The following LRBA variants were observed in gnomAD, a reference collection of about 807,000 sequenced individuals.
LRBA encodes lipopolysaccharide-responsive and beige-like anchor protein.
LRBA carries 176 observed loss-of-function variants against 330.0 expected under a neutral mutation model. That is an observed-to-expected ratio of 0.53 (90% CI 0.47 to 0.60). LRBA has a LOEUF of 0.60. Ranked by LOEUF, LRBA falls within the 20% of genes least tolerant of loss-of-function variation. LRBA has a pLI of 0.00. For synonymous variants in LRBA, 1,230 were observed against 1,193.0 expected, an observed-to-expected ratio of 1.03 and a Z score of -0.64; for missense variants, 3,259 against 3,444.8, an observed-to-expected ratio of 0.95 and a Z score of 1.35.
At chr4:150,494,665 T>C (rs1581483300) in intron 40 of LRBA, among the ~76,000 whole-genome samples, 2 of 152,310 alleles carry the variant, frequency 1.3e-5, no homozygotes, top group South Asian at 4.1e-4. Flanking sequence ...GCAAGTGTCA[T>C]AGTCCTTTAA....
At position 150,717,200 on chromosome 4, in the gene LRBA, A is replaced by G. The variant is rs1444147520; in HGVS notation, c.5754+18058T>C. The stretch of plus-strand genomic sequence containing the variant: ...GGCTGAAGATAATAACATTTACCTC[A>G]GAGGACTGTTATGATAATTTATTTT... On this transcript the variant is annotated intron_variant, in intron 36 of 56. Transcript: ENST00000651943. Among the ~76,000 whole-genome samples the G allele has an allele frequency of 9.2e-5, 14 of 152,166 alleles. 1 individual carries two copies. The highest frequency in any genetic ancestry group is 9.2e-4 in the Admixed American group (14 of 15,262).
At chr4:150,571,064 G>A (rs1769778476) in intron 40 of LRBA, among the ~76,000 whole-genome samples, 1 of 152,046 alleles carries the variant, frequency 6.6e-6, no homozygotes, top group Admixed American at 6.6e-5. Context: ...CAGAAGCACT[G>A]ACACCAAATC....
chr4:150,460,715 T>C (rs143822879), intron 44 of LRBA, among the ~76,000 whole-genome samples: 27 of 151,954 alleles, frequency 1.8e-4, no homozygotes, highest in South Asian at 4.1e-4. Flanking sequence ...TTCTGCACTA[T>C]GGACCAAAAT....
chr4:150,347,623 G>A (rs943766147), intron 48 of LRBA, among the ~76,000 whole-genome samples: 1 of 145,244 alleles, frequency 6.9e-6, no homozygotes, highest in African/African-American at 2.6e-5. Context: ...TCCAGCCTGG[G>A]TGAAAGAGCG....
intron 52 of LRBA, among the ~76,000 whole-genome samples, chr4:150,308,814 TTG>T (rs1205590832): frequency 6.6e-6 from 1 of 152,200 alleles, no homozygotes. Flanking sequence ...TACAATGTGT[TTG>T]TGTTTTAAGC....
At chr4:150,305,425 G>T (rs1198296548) in intron 52 of LRBA, among the ~76,000 whole-genome samples, 1 of 152,136 alleles carries the variant, frequency 6.6e-6, no homozygotes, top group Non-Finnish European at 1.5e-5. Context: ...ATCACAATTA[G>T]TTTTCATTCA....
intron 55 of LRBA, among the ~76,000 whole-genome samples, chr4:150,280,347 G>GAGGT (rs1235195704): frequency 6.6e-6 from 1 of 152,192 alleles, no homozygotes; most frequent in African/African-American, 2.4e-5. Flanking sequence ...GGGTTTTAAG[G>GAGGT]AGGTAGTAGC....
chr4:150,908,500 A>T (rs752705568), intron 10 of LRBA, 33 bp from the exon 11 acceptor site: 1 of 1,563,196 alleles, frequency 6.4e-7, no homozygotes, highest in South Asian at 1.2e-5. Context: ...AAAGAGTTCA[A>T]TGATTTTTTT....
intron 44 of LRBA, among the ~76,000 whole-genome samples, chr4:150,464,547 C>T (rs1755193919): frequency 6.6e-6 from 1 of 151,940 alleles, no homozygotes; most frequent in Non-Finnish European, 1.5e-5. Flanking sequence ...TAAGGCCTTC[C>T]TTTTCTTTTC....
At chr4:150,828,920 G>GTGT (rs1746694525) in intron 29 of LRBA, among the ~76,000 whole-genome samples, 1 of 53,238 alleles carries the variant, frequency 1.9e-5, no homozygotes. Flanking sequence ...ATCTTTTTTG[G>GTGT]GGGTGTGTGT....
chr4:150,677,836 A>AG (rs1782694620), intron 37 of LRBA, among the ~76,000 whole-genome samples: 1 of 57,028 alleles, frequency 1.8e-5, no homozygotes, highest in African/African-American at 4.3e-5. Flanking sequence ...AAGAAAAAAG[A>AG]AAAGAGAAAA....
chr4:150,812,904 T>C (rs896141797), intron 31 of LRBA, among the ~76,000 whole-genome samples: 13 of 152,080 alleles, frequency 8.5e-5, no homozygotes, highest in Non-Finnish European at 1.2e-4. Context: ...TATTTTAACA[T>C]ACAAGAAGGG....
chr4:150,552,848 T>G (rs959219829), intron 40 of LRBA, among the ~76,000 whole-genome samples: 1 of 151,970 alleles, frequency 6.6e-6, no homozygotes, highest in Middle Eastern at 3.4e-3. Context: ...GGCGGGCAGA[T>G]CACGAGGTCA....
chr4:150,613,752 T>C (rs1581816467), intron 37 of LRBA, among the ~76,000 whole-genome samples: 2 of 152,186 alleles, frequency 1.3e-5, no homozygotes, highest in South Asian at 4.1e-4. Flanking sequence ...GCAGCTAAGG[T>C]CTTAGGCCTC....
chr4:150,294,821 G>A (rs534464051), intron 53 of LRBA, among the ~76,000 whole-genome samples: 8 of 152,176 alleles, frequency 5.3e-5, no homozygotes, highest in African/African-American at 1.2e-4. Flanking sequence ...GCGCGCTGGC[G>A]CCCACATGTA....
At chr4:150,344,191 CATAT>C (rs1342334413) in intron 48 of LRBA, among the ~76,000 whole-genome samples, 1 of 152,116 alleles carries the variant, frequency 6.6e-6, no homozygotes, top group Admixed American at 6.5e-5. Context: ...ACTGCTGGCG[CATAT>C]AAAGATTTCT....
At position 150,914,213 on chromosome 4, in the gene LRBA, C is replaced by G. The variant is rs781650922; in HGVS notation, c.1143G>C (p.Gln381His). 1.9e-6 allele frequency: 3 copies of G among 1,607,228 alleles called. No individual in the cohort carries two copies. In the South Asian group the frequency reaches 3.3e-5, roughly 18 times the overall value. Reference protein sequence around the residue: ...LNAAQIFAIYQLGLGYKGTFK... With the variant: ...LNAAQIFAIYHLGLGYKGTFK... ...AAACTACCTTGTATCCCAGGCCCAA[C>G]TGATAAATAGCAAATATCTGAGCTG... Residue 381 changes from glutamine to histidine, a missense_variant, in exon 9 of 57, where the codon CAG becomes CAC. Coordinates refer to ENST00000651943, the MANE Select transcript of LRBA (RefSeq NM_001364905.1).
At chr4:150,919,650 G>T (rs951235981) in intron 5 of LRBA, among the ~76,000 whole-genome samples, 1 of 152,080 alleles carries the variant, frequency 6.6e-6, no homozygotes, top group Non-Finnish European at 1.5e-5. Context: ...AAAATTTTAG[G>T]AGAAAAACAT....
intron 36 of LRBA, among the ~76,000 whole-genome samples, chr4:150,728,428 T>C (rs567314026): frequency 6.6e-6 from 1 of 152,140 alleles, no homozygotes; most frequent in Non-Finnish European, 1.5e-5. Context: ...CTGGTGAATA[T>C]TGATGCAAAA....
Sources: gnomAD v4.1 joint callset for allele counts (sites outside exome capture counted in the v4.1 genomes callset) on GRCh38, gnomAD v4.1.1 for gene constraint, MANE v1.5 for transcripts, NCBI Gene and HGNC (gene_info 2026-07-23, HGNC 2026-07-21) for gene names.